The following TRMT1 variants were observed in gnomAD, a reference collection of about 807,000 sequenced individuals.
TRMT1 encodes the protein tRNA methyltransferase 1.
In TRMT1, 63 loss-of-function variants were observed where a neutral mutation model predicts 75.4. That is an observed-to-expected ratio of 0.84 (90% CI 0.68 to 1.03). The LOEUF (loss-of-function observed/expected upper bound fraction) is 1.03, where lower values mean the gene tolerates loss of function less well. TRMT1 is among the 50% of genes least tolerant of loss of function. The pLI is 0.00. For synonymous variants in TRMT1, 382 were observed against 358.1 expected (o/e 1.07, Z -0.75); for missense variants, 870 against 905.3 (o/e 0.96, Z 0.50).
At position 13,112,913 on chromosome 19, in the gene TRMT1, T is replaced by G; in HGVS notation, c.740A>C (p.Gln247Pro). The G allele has an allele frequency of 6.2e-7, 1 of 1,613,422 alleles. No homozygotes were observed. Among genetic ancestry groups the G allele is most frequent in the Non-Finnish European group, 8.5e-7 (1 of 1,179,664 alleles). ...CACCTCACCTCCTTCACTCACAGCC[T>G]GCACAGCTGCATCCAGGAAGGTGGC... ...SPATFLDAAV[Q>P]AVSEGGLLCV... is the part of the protein sequence containing the mutation. The change falls in exon 6 of 17, where the codon CAG becomes CCG. Residue 247 changes from glutamine (Q) to proline (P), a missense_variant. Physicochemically the swap from Gln to Pro is moderately conservative, Grantham distance 76. Transcript: ENST00000357720.
chr19:13,116,586 GC>G, intron 1 of TRMT1, 66 bp downstream of exon 1: 1 of 822,296 alleles, frequency 1.2e-6, no homozygotes. Flanking sequence ...TCCCTGTGGA[GC>G]CGATGCCCTC....
intron 9 of TRMT1, 35 bp downstream of exon 9, chr19:13,109,880 T>C: frequency 6.2e-7 from 1 of 1,614,028 alleles, no homozygotes; most frequent in South Asian, 1.1e-5. Flanking sequence ...AGGAAAACCC[T>C]GGGACTCCCC....
chr19:13,113,250 C>T (rs996925970), intron 5 of TRMT1, among the ~76,000 whole-genome samples: 29 of 151,984 alleles, frequency 1.9e-4, no homozygotes, highest in Non-Finnish European at 1.0e-4. Context: ...CCTCCGCTTC[C>T]CCAGTTCAAG....
At chr19:13,109,706 G>A in intron 10 of TRMT1, 22 bp from the exon 11 acceptor site, 3 of 1,613,962 alleles carry the variant, frequency 1.9e-6, no homozygotes, top group Non-Finnish European at 2.5e-6. Flanking sequence ...CCGGGGACAG[G>A]TGAGCAGGGA....
In TRMT1 at chr19:13,109,840, T is replaced by C. The variant is rs1555716802; in HGVS notation, c.1107-2A>G. The C allele has an allele frequency of 6.2e-7, 1 of 1,614,106 alleles. No homozygotes were observed. The highest frequency in any genetic ancestry group is 8.5e-7 in the Non-Finnish European group (1 of 1,180,016). On this transcript the variant is annotated splice_acceptor_variant, in intron 9 of 16. Coordinates refer to ENST00000357720, the MANE Select transcript of TRMT1 (RefSeq NM_001136035.4). LOFTEE classifies it high-confidence loss of function. ...CCACAGGCTGCAGAGAACTTGGCCCTAAACAGAGAGGGGTGGTTGGTGGGG... is the reference window on the plus strand; with the variant it reads ...CCACAGGCTGCAGAGAACTTGGCCCCAAACAGAGAGGGGTGGTTGGTGGGG...
At chr19:13,110,098 C>A in intron 8 of TRMT1, 60 bp downstream of exon 8, 2 of 1,608,648 alleles carry the variant, frequency 1.2e-6, no homozygotes, top group Non-Finnish European at 1.7e-6. Flanking sequence ...CCCCAGATCC[C>A]CCAGGGCAAG....
In TRMT1 at chr19:13,110,315, G is replaced by T. The variant is rs373644075; in HGVS notation, c.871-9C>A. 9.4e-6 allele frequency: 8 copies of T among 849,750 alleles called. No individual in the cohort carries two copies. Among genetic ancestry groups the T allele is most frequent in the East Asian group, 2.6e-5 (1 of 37,896 alleles). 52.6% of individuals were successfully genotyped at this position (849,750 alleles called of 1,614,324 possible). On this transcript the variant is annotated splice_polypyrimidine_tract_variant and intron_variant, in intron 7 of 16. Transcript: ENST00000357720. ...AGGACGATTCTCAGGGCCTGGGGGT[G>T]GGGGGTGGGTGTCAGCCTCCCCTCC...
In TRMT1 at chr19:13,116,001, G is replaced by T; in HGVS notation, c.306C>A (p.Ile102=). The part of the protein sequence containing the change: ...FARIQLGAKG[I]QIKVPGEKDT... ...GAAGCCTGGACCTCCACTCACTCTGGATTCCTTTGGCCCCAAGCTGAATGC... is the reference window on the plus strand; with the variant it reads ...GAAGCCTGGACCTCCACTCACTCTGTATTCCTTTGGCCCCAAGCTGAATGC... Residue 102 remains isoleucine, a synonymous_variant, in exon 3 of 17, where the codon ATC becomes ATA. Transcript: ENST00000357720. 6.2e-7 allele frequency: 1 copy of T among 1,613,916 alleles called. No individual in the cohort carries two copies. Among genetic ancestry groups the T allele is most frequent in the African/African-American group, 1.3e-5 (1 of 74,990 alleles).
intron 12 of TRMT1, among the ~76,000 whole-genome samples, chr19:13,108,465 G>C (rs530467631): frequency 6.7e-6 from 1 of 150,324 alleles, no homozygotes; most frequent in South Asian, 2.1e-4. Context: ...TAATATTTTG[G>C]TATTTTTAGT....
At chr19:13,105,832 C>T (rs1343399365) in intron 14 of TRMT1, among the ~76,000 whole-genome samples, 2 of 152,076 alleles carry the variant, frequency 1.3e-5, no homozygotes, top group African/African-American at 4.8e-5. Context: ...GAGGCTGAGG[C>T]GGGTGGATCA....
Position 13,105,618 on chromosome 19 carries a change from G to A in TRMT1, c.1584-12C>T, listed in dbSNP as rs753340587. On this transcript the variant is annotated splice_polypyrimidine_tract_variant and intron_variant, in intron 14 of 16. Transcript: ENST00000357720. ...AGTTGGCCTGCAGCCTAGGGAAGCAGGGGTGGGGCGTTGGGGCTGGGGGAA... is the reference window on the plus strand; with the variant it reads ...AGTTGGCCTGCAGCCTAGGGAAGCAAGGGTGGGGCGTTGGGGCTGGGGGAA... 1 of 1,609,328 alleles carries A rather than the reference G, an allele frequency of 6.2e-7. No individual in the cohort carries two copies. The highest frequency in any genetic ancestry group is 8.5e-7 in the Non-Finnish European group (1 of 1,178,108).
intron 5 of TRMT1, among the ~76,000 whole-genome samples, chr19:13,113,896 C>T (rs2019235326): frequency 6.6e-6 from 1 of 152,098 alleles, no homozygotes; most frequent in Non-Finnish European, 1.5e-5. Flanking sequence ...AGGGGTGAGC[C>T]ACTGCGTCTG....
In TRMT1 at chr19:13,110,312, G is replaced by A. The variant is rs926527796; in HGVS notation, c.871-6C>T. The stretch of plus-strand genomic sequence containing the variant: ...TGCAGGACGATTCTCAGGGCCTGGG[G>A]GTGGGGGGTGGGTGTCAGCCTCCCC... On this transcript the variant is annotated splice_polypyrimidine_tract_variant and splice_region_variant and intron_variant, in intron 7 of 16. Coordinates refer to ENST00000357720, the MANE Select transcript of TRMT1 (RefSeq NM_001136035.4). The A allele has an allele frequency of 7.9e-6, 7 of 883,000 alleles. No individual in the cohort carries two copies. Among genetic ancestry groups the A allele is most frequent in the Non-Finnish European group, 1.3e-5 (7 of 541,036 alleles). The allele number at this position is 883,000 out of a possible 1,614,324, so 54.7% of individuals were successfully genotyped here.
chr19:13,115,858 C>T (rs767988523), intron 3 of TRMT1, 90 bp from the exon 4 acceptor site: 11 of 1,604,556 alleles, frequency 6.9e-6, no homozygotes, highest in Non-Finnish European at 9.4e-6. Flanking sequence ...CCCTGAAATC[C>T]CTGCGGAAAG....
At chr19:13,112,585 T>C in intron 7 of TRMT1, 120 bp downstream of exon 7, 1 of 877,336 alleles carries the variant, frequency 1.1e-6, no homozygotes, top group Non-Finnish European at 1.8e-6. Flanking sequence ...CTGGGATGCA[T>C]CTGGCCATCA....
intron 5 of TRMT1, 48 bp downstream of exon 5, chr19:13,115,231 C>T: frequency 6.4e-7 from 1 of 1,553,400 alleles, no homozygotes; most frequent in Admixed American, 1.9e-5. Context: ...CAGAATTTGA[C>T]CCCAGGCAGG....
At chr19:13,106,536 G>A (rs372390402) in intron 14 of TRMT1, among the ~76,000 whole-genome samples, 68 of 152,178 alleles carry the variant, frequency 4.5e-4, no homozygotes, top group African/African-American at 1.6e-3. Flanking sequence ...GGAGTGCAGT[G>A]GTGCGATCTC....
chr19:13,109,421 T>C lies in TRMT1; in HGVS notation c.1357A>G (p.Ser453Gly). 6.2e-7 allele frequency: 1 copy of C among 1,613,430 alleles called. No individual in the cohort carries two copies. Among genetic ancestry groups the C allele is most frequent in the Non-Finnish European group, 8.5e-7 (1 of 1,180,008 alleles). ...PLYYTLDQLS[S>G]TIHCNTPSLL... Reference sequence around the variant, plus strand: ...CTTGGTGTGTTGCAGTGGATGGTGCTGCTCAGCTGGTCCAGGGTGTAGTAC... The same window carrying C: ...CTTGGTGTGTTGCAGTGGATGGTGCCGCTCAGCTGGTCCAGGGTGTAGTAC... Residue 453 changes from serine to glycine, a missense_variant, in exon 12 of 17, where the codon AGC becomes GGC. Coordinates refer to ENST00000357720, the MANE Select transcript of TRMT1 (RefSeq NM_001136035.4).
chr19:13,110,924 T>C (rs1276825034), intron 7 of TRMT1, among the ~76,000 whole-genome samples: 1 of 152,030 alleles, frequency 6.6e-6, no homozygotes, highest in Non-Finnish European at 1.5e-5. Context: ...CACTCCAGCC[T>C]GGGCAACAAG....
Sources: allele counts gnomAD v4.1 joint callset (sites outside exome capture counted in the v4.1 genomes callset), GRCh38; gene constraint gnomAD v4.1.1; transcripts MANE v1.5; gene names NCBI Gene and HGNC (gene_info 2026-07-23, HGNC 2026-07-21).